The following ARHGAP42 variants were observed in gnomAD, a reference collection of about 807,000 sequenced individuals.
ARHGAP42 encodes rho GTPase-activating protein 42.
ARHGAP42 carries 63 observed loss-of-function variants against 125.0 expected under a neutral mutation model. The observed-to-expected ratio is 0.50, with a 90% CI of 0.41 to 0.62. ARHGAP42 has a LOEUF of 0.62. Among genes scored for constraint, ARHGAP42 ranks in the 20% least tolerant of loss-of-function variants. The pLI, the probability that ARHGAP42 is intolerant of heterozygous loss-of-function variation, is 0.00. For synonymous variants in ARHGAP42, 339 were observed against 351.0 expected, an observed-to-expected ratio of 0.97 and a Z score of 0.38; for missense variants, 766 against 1,024.2, an observed-to-expected ratio of 0.75 and a Z score of 3.44.
chr11:100,741,923 T>G (rs1457054913), intron 1 of ARHGAP42, among the ~76,000 whole-genome samples: 1 of 152,228 alleles, frequency 6.6e-6, no homozygotes, highest in Non-Finnish European at 1.5e-5. Context: ...TAAGGTTGTC[T>G]GCTTTAACCT....
chr11:100,962,268 A>C, intron 15 of ARHGAP42, 141 bp from the exon 16 acceptor site: 1 of 716,602 alleles, frequency 1.4e-6, no homozygotes, highest in Admixed American at 3.0e-5. Flanking sequence ...AAATCACCCA[A>C]TTCTTTTATT....
intron 1 of ARHGAP42, among the ~76,000 whole-genome samples, chr11:100,732,962 A>T (rs956356353): frequency 6.6e-6 from 1 of 152,226 alleles, no homozygotes; most frequent in Non-Finnish European, 1.5e-5. Context: ...GCTCCAAAAT[A>T]TTGAGTCAGA....
intron 3 of ARHGAP42, among the ~76,000 whole-genome samples, chr11:100,844,358 T>C (rs1169866458): frequency 6.6e-6 from 1 of 151,724 alleles, no homozygotes; most frequent in Non-Finnish European, 1.5e-5. Context: ...TCTAGAATAT[T>C]GTAAGAATCC....
intron 4 of ARHGAP42, among the ~76,000 whole-genome samples, chr11:100,905,748 G>A (rs1299086815): frequency 2.0e-5 from 3 of 152,078 alleles, no homozygotes; most frequent in African/African-American, 4.8e-5. Flanking sequence ...AGGTCGAGGC[G>A]GGTGGTTCAC....
chr11:100,988,084 C>T (rs1333305855), intron 23 of ARHGAP42, among the ~76,000 whole-genome samples: 2 of 152,082 alleles, frequency 1.3e-5, no homozygotes, highest in Non-Finnish European at 2.9e-5. Context: ...GCTGAGATGG[C>T]ACCACTGCAC....
chr11:100,930,762 G>A (rs549715351), intron 6 of ARHGAP42, among the ~76,000 whole-genome samples: 3 of 152,246 alleles, frequency 2.0e-5, no homozygotes, highest in Non-Finnish European at 2.9e-5. Context: ...GTCAAAATAC[G>A]TCCGTAAGAG....
chr11:100,722,094 C>T (rs1772129504), intron 1 of ARHGAP42, among the ~76,000 whole-genome samples: 1 of 152,140 alleles, frequency 6.6e-6, no homozygotes, highest in African/African-American at 2.4e-5. Context: ...GCTGTATATC[C>T]TTGCCAGTAT....
chr11:100,962,311 A>G, intron 15 of ARHGAP42, 98 bp from the exon 16 acceptor site: 1 of 914,750 alleles, frequency 1.1e-6, no homozygotes, highest in East Asian at 2.7e-5. Context: ...TTTTTAATTG[A>G]TGAATAACAG....
At chr11:100,903,117 G>GCGTGCA (rs373508179) in intron 4 of ARHGAP42, among the ~76,000 whole-genome samples, 149 of 132,036 alleles carry the variant, frequency 1.1e-3, no homozygotes, top group African/African-American at 4.1e-3. Flanking sequence ...TCCAAGATGC[G>GCGTGCA]CACACACACA....
intron 3 of ARHGAP42, among the ~76,000 whole-genome samples, chr11:100,799,588 A>G (rs1863803266): frequency 6.6e-6 from 1 of 152,164 alleles, no homozygotes; most frequent in Non-Finnish European, 1.5e-5. Context: ...GGTTAGAGAG[A>G]TGTGAAAATT....
chr11:100,746,114 G>GT (rs2120351908), intron 1 of ARHGAP42, among the ~76,000 whole-genome samples: 1 of 152,358 alleles, frequency 6.6e-6, no homozygotes, highest in East Asian at 1.9e-4. Flanking sequence ...ACAGTGTCCA[G>GT]TAAAGGTCCA....
At chr11:100,749,554 GT>G (rs1862393606) in intron 1 of ARHGAP42, among the ~76,000 whole-genome samples, 1 of 152,168 alleles carries the variant, frequency 6.6e-6, no homozygotes, top group South Asian at 2.1e-4. Flanking sequence ...AGGTTGACCT[GT>G]TTCCTCCCTT....
intron 1 of ARHGAP42, among the ~76,000 whole-genome samples, chr11:100,691,697 T>C (rs1861194567): frequency 6.6e-6 from 1 of 152,076 alleles, no homozygotes; most frequent in Admixed American, 6.6e-5. Flanking sequence ...TGATATTTTT[T>C]GTAGAGTCGA....
intron 3 of ARHGAP42, among the ~76,000 whole-genome samples, chr11:100,817,272 A>G (rs963030556): frequency 6.6e-6 from 1 of 152,096 alleles, no homozygotes; most frequent in Non-Finnish European, 1.5e-5. Flanking sequence ...GTGACAACCC[A>G]ACACGTCTGC....
rs7948075 is a variant in ARHGAP42 at position 100,716,818 on chromosome 11, A to G, written c.154+28986A>G. 8.3e-3 allele frequency among the ~76,000 whole-genome samples: 1,268 copies of G among 152,292 alleles called. 14 individuals are homozygous for G. The highest frequency in any genetic ancestry group is 0.029 in the African/African-American group (1,215 of 41,564). ...TCTGACCCCCTTTAAATTAAAAACTATCTTTAGGTTATTTGGAGAATGAAT... is the reference window on the plus strand; with the variant it reads ...TCTGACCCCCTTTAAATTAAAAACTGTCTTTAGGTTATTTGGAGAATGAAT... On this transcript the variant is annotated intron_variant, in intron 1 of 23. Coordinates refer to ENST00000298815, the MANE Select transcript of ARHGAP42 (RefSeq NM_152432.4).
chr11:100,782,247 A>C (rs1034684970), intron 2 of ARHGAP42, among the ~76,000 whole-genome samples: 1 of 152,214 alleles, frequency 6.6e-6, no homozygotes, highest in Admixed American at 6.5e-5. Context: ...GGTTTCTTCT[A>C]GCATCCATAT....
intron 2 of ARHGAP42, among the ~76,000 whole-genome samples, chr11:100,791,694 A>G (rs565267545): frequency 3.3e-5 from 5 of 152,116 alleles, no homozygotes; most frequent in Non-Finnish European, 5.9e-5. Flanking sequence ...AACAAAAAAA[A>G]AAAGAGGGAA....
At position 100,777,758 on chromosome 11, in the gene ARHGAP42, T is replaced by G. The variant is rs372500016; in HGVS notation, c.250+7320T>G. ...TAAAAAAAAGACCTATTTTCTTTTT[T>G]GACTTAAACAAATTCAATGATTAAA... is the stretch of plus-strand genomic sequence containing the variant. On this transcript the variant is annotated intron_variant, in intron 2 of 23. Transcript: ENST00000298815. Among the ~76,000 whole-genome samples the G allele has an allele frequency of 5.9e-5, 9 of 152,362 alleles. No individual in the cohort carries two copies. The East Asian group carries it at 1.7e-3, about 29-fold the overall frequency.
chr11:100,846,046 C>T (rs1216248970), intron 3 of ARHGAP42, among the ~76,000 whole-genome samples: 3 of 152,168 alleles, frequency 2.0e-5, no homozygotes, highest in African/African-American at 7.2e-5. Flanking sequence ...CTTCAAGATT[C>T]ATTTCCAAAA....
Sources: allele counts gnomAD v4.1 joint callset (sites outside exome capture counted in the v4.1 genomes callset), GRCh38; gene constraint gnomAD v4.1.1; transcripts MANE v1.5; gene names NCBI Gene and HGNC (gene_info 2026-07-23, HGNC 2026-07-21).